The following PPP4R1 variants were observed in gnomAD, a reference collection of about 807,000 sequenced individuals.
PPP4R1 encodes the protein serine/threonine-protein phosphatase 4 regulatory subunit 1.
In PPP4R1, 42 loss-of-function variants were observed where a neutral mutation model predicts 111.2. That is an observed-to-expected ratio of 0.38 (90% confidence interval 0.29 to 0.49). The LOEUF (loss-of-function observed/expected upper bound fraction) is 0.49, where lower values mean the gene tolerates loss of function less well. Among genes scored for constraint, PPP4R1 ranks in the 20% least tolerant of loss-of-function variants. The probability of loss-of-function intolerance (pLI) is 0.97; values close to 1 mark genes in which losing one functional copy is unlikely to be tolerated. For missense variants in PPP4R1, 1,012 were observed against 1,161.6 expected (o/e 0.87, Z 1.87); for synonymous variants, 409 against 405.5 (o/e 1.01, Z -0.10).
intron 3 of PPP4R1, among the ~76,000 whole-genome samples, chr18:9,594,548 C>G (rs1008492642): frequency 6.6e-6 from 1 of 152,118 alleles, no homozygotes; most frequent in Admixed American, 6.5e-5. Context: ...CCCAAAAAAT[C>G]TGAACCAAGA....
At chr18:9,599,884 A>AGGAGTC (rs2067351665) in intron 2 of PPP4R1, 1 of 152,212 alleles carries the variant, frequency 6.6e-6, no homozygotes, top group East Asian at 1.9e-4. Flanking sequence ...GTGACTGTCA[A>AGGAGTC]ACATAATTAT....
chr18:9,590,265 T>C (rs1183447540), intron 4 of PPP4R1: 1 of 152,230 alleles, frequency 6.6e-6, no homozygotes, highest in Non-Finnish European at 1.5e-5. Context: ...TAGATAATAC[T>C]GTATTTTACA....
At chr18:9,590,806 T>C (rs896295474) in intron 4 of PPP4R1, among the ~76,000 whole-genome samples, 2 of 151,942 alleles carry the variant, frequency 1.3e-5, no homozygotes, top group African/African-American at 4.8e-5. Flanking sequence ...TGTTAGAGAA[T>C]ACAGGAAAAG....
chr18:9,561,410 T>G (rs980761069), intron 13 of PPP4R1, among the ~76,000 whole-genome samples: 2 of 152,024 alleles, frequency 1.3e-5, no homozygotes, highest in Admixed American at 1.3e-4. Flanking sequence ...TGTGCTGTGC[T>G]GCTGTGAAGG....
Position 9,588,777 on chromosome 18 carries a change from T to C in PPP4R1, c.372A>G (p.Ile124Met). The C allele has an allele frequency of 6.2e-7, 1 of 1,614,014 alleles. No homozygotes were observed. Among genetic ancestry groups the C allele is most frequent in the African/African-American group, 1.3e-5 (1 of 75,044 alleles). ...ALFCQENRPS[I>M]PYAFSKFLLP... ...GTAAGAATTTTGAAAAAGCATATGG[T>C]ATTGAAGGCCGGTTTTCTTGACAAA... Residue 124 changes from isoleucine (I) to methionine (M), a missense_variant, in exon 5 of 20, where the codon ATA becomes ATG. Around this residue, in one of 2 missense-constraint regions of PPP4R1, gnomAD observed 707 missense variants for 742.1 expected, o/e 0.95. Coordinates refer to ENST00000400556, the MANE Select transcript of PPP4R1 (RefSeq NM_001042388.3).
At chr18:9,605,013 C>T (rs543994550) in intron 2 of PPP4R1, among the ~76,000 whole-genome samples, 1 of 152,130 alleles carries the variant, frequency 6.6e-6, no homozygotes, top group Non-Finnish European at 1.5e-5. Context: ...AAACTTTTAT[C>T]AAAATTGATC....
rs551413987 is a variant in PPP4R1 at position 9,597,326 on chromosome 18, T to C, written c.53-2173A>G. Among the ~76,000 whole-genome samples the C allele has an allele frequency of 2.0e-5, 3 of 152,248 alleles. No individual in the cohort carries two copies. In the East Asian group the frequency reaches 5.8e-4, roughly 29 times the overall value. On this transcript the variant is annotated intron_variant, in intron 2 of 19. Coordinates refer to ENST00000400556, the MANE Select transcript of PPP4R1 (RefSeq NM_001042388.3). ...TCCAAATATAATCCCAGCAGACTCC[T>C]GGAGTTGAGGAGACAGAGTTGAGAA...
In PPP4R1 at chr18:9,570,390, A is replaced by G. The variant is rs1222030059; in HGVS notation, c.1340T>C (p.Leu447Pro). Residue 447 changes from leucine (L) to proline (P), a missense_variant, in exon 11 of 20, where the codon CTC becomes CCC. By Grantham distance (98) the Leu-to-Pro change is moderately conservative. Around this residue, in one of 2 missense-constraint regions of PPP4R1, gnomAD observed 707 missense variants for 742.1 expected, o/e 0.95. Transcript: ENST00000400556. Reference sequence around the variant, plus strand: ...GGAGTTATACAATTCCTGATCTAAGAGAGCTGAATCTTGTGAAGTGGTGCC... The same window carrying G: ...GGAGTTATACAATTCCTGATCTAAGGGAGCTGAATCTTGTGAAGTGGTGCC... ...EVGTTSQDSA[L>P]LDQELYNSFH... 1.9e-6 allele frequency: 3 copies of G among 1,613,688 alleles called. No homozygotes were observed. The highest frequency in any genetic ancestry group is 2.5e-6 in the Non-Finnish European group (3 of 1,179,906).
upstream of PPP4R1, among the ~76,000 whole-genome samples, chr18:9,616,648 G>C (rs1047364492): frequency 6.6e-6 from 1 of 152,118 alleles, no homozygotes; most frequent in African/African-American, 2.4e-5. Flanking sequence ...CTGTGCTTCA[G>C]CCGCTGGATG....
At chr18:9,609,212 C>T (rs1291875232) in intron 2 of PPP4R1, among the ~76,000 whole-genome samples, 3 of 152,160 alleles carry the variant, frequency 2.0e-5, no homozygotes, top group Non-Finnish European at 4.4e-5. Flanking sequence ...TCCATCCAGG[C>T]TTGTTGGCAG....
intron 2 of PPP4R1, among the ~76,000 whole-genome samples, chr18:9,605,686 GAA>G (rs1465165237): frequency 6.6e-6 from 1 of 151,132 alleles, no homozygotes; most frequent in African/African-American, 2.4e-5. Flanking sequence ...TAAAGGCTGA[GAA>G]ATTGTTCCAA....
chr18:9,556,528 C>G (rs1281617477), intron 15 of PPP4R1, among the ~76,000 whole-genome samples: 3 of 152,150 alleles, frequency 2.0e-5, no homozygotes, highest in African/African-American at 7.2e-5. Flanking sequence ...ACAATTACTT[C>G]TATCACTCAA....
At chr18:9,554,304 T>A (rs1475458554) in intron 15 of PPP4R1, among the ~76,000 whole-genome samples, 3 of 151,908 alleles carry the variant, frequency 2.0e-5, no homozygotes, top group East Asian at 3.9e-4. Context: ...ATTTTTTGTA[T>A]CTTTAGTAGA....
intron 9 of PPP4R1, among the ~76,000 whole-genome samples, chr18:9,579,118 T>C (rs1006928068): frequency 6.6e-6 from 1 of 152,190 alleles, no homozygotes; most frequent in Non-Finnish European, 1.5e-5. Context: ...TGTTACCCTA[T>C]AGTTACAATG....
At chr18:9,548,042 G>A in intron 19 of PPP4R1, 90 bp from the exon 20 acceptor site, 5 of 1,318,098 alleles carry the variant, frequency 3.8e-6, no homozygotes, top group East Asian at 2.5e-5. Context: ...AGTTAAACTG[G>A]GTATTTCTAC....
At position 9,570,418 on chromosome 18, in the gene PPP4R1, C is replaced by A; in HGVS notation, c.1312G>T (p.Val438Phe). Residue 438 changes from valine (V) to phenylalanine (F), a missense_variant, in exon 11 of 20, where the codon GTT becomes TTT. Val to Phe is a conservative substitution (Grantham distance 50). Coordinates refer to ENST00000400556, the MANE Select transcript of PPP4R1 (RefSeq NM_001042388.3). ...GNYKSMLRPE[V>F]GTTSQDSALL... is the part of the protein sequence containing the mutation. ...GCTGAATCTTGTGAAGTGGTGCCAA[C>A]CTCTGGTCGTAACATAGATTTGTAG... 2 of 1,614,186 alleles carry A rather than the reference C, an allele frequency of 1.2e-6. No individual in the cohort carries two copies. The highest frequency in any genetic ancestry group is 1.7e-6 in the Non-Finnish European group (2 of 1,180,020).
intron 2 of PPP4R1, among the ~76,000 whole-genome samples, chr18:9,605,629 CAG>C (rs2067469243): frequency 2.3e-5 from 2 of 88,654 alleles, no homozygotes; most frequent in Non-Finnish European, 5.2e-5. Context: ...CATGAGGAAA[CAG>C]ATAAAACCAA....
At chr18:9,591,122 TG>T (rs1191914476) in intron 4 of PPP4R1, among the ~76,000 whole-genome samples, 2 of 151,692 alleles carry the variant, frequency 1.3e-5, no homozygotes, top group Non-Finnish European at 2.9e-5. Context: ...CTGAGTCAGG[TG>T]GATCACTTGA....
intron 11 of PPP4R1, 52 bp downstream of exon 11, chr18:9,570,105 C>A: frequency 6.8e-7 from 1 of 1,463,868 alleles, no homozygotes; most frequent in Non-Finnish European, 9.1e-7. Context: ...TTAAGATAGA[C>A]ACTAATATTT....
Sources: gnomAD v4.1 joint callset for allele counts (sites outside exome capture counted in the v4.1 genomes callset) on GRCh38, gnomAD v4.1.1 for gene constraint, gnomAD v4.1.1 regional missense constraint, MANE v1.5 for transcripts, NCBI Gene and HGNC (gene_info 2026-07-23, HGNC 2026-07-21) for gene names.